INPPL1: variants seen among roughly 807,000 people sequenced by gnomAD.
INPPL1 encodes phosphatidylinositol 3,4,5-trisphosphate 5-phosphatase 2.
INPPL1 carries 91 observed loss-of-function variants against 139.3 expected under a neutral mutation model. That is an observed-to-expected ratio of 0.65 (90% CI 0.55 to 0.78). The LOEUF (loss-of-function observed/expected upper bound fraction) is 0.78. Among genes scored for constraint, INPPL1 ranks in the 30% least tolerant of loss-of-function variants. INPPL1 has a pLI of 0.00. For missense variants in INPPL1, 1,411 were observed against 1,665.6 expected (o/e 0.85, Z 2.66); for synonymous variants, 719 against 686.6 (o/e 1.05, Z -0.74).
chr11:72,228,797 C>G lies in INPPL1; in HGVS notation c.468C>G (p.Pro156=). The G allele has an allele frequency of 6.2e-7, 1 of 1,612,920 alleles. No individual in the cohort carries two copies. Residue 156 remains proline (P), a synonymous_variant, in exon 4 of 28, where the codon CCC becomes CCG. Coordinates refer to ENST00000298229, the MANE Select transcript of INPPL1 (RefSeq NM_001567.4). The surrounding 1 kb of genome is among the most constrained non-coding windows in gnomAD (Gnocchi z 5.0). ...CCAGCATTTCTGCCCCCACTGGGCCCAGCAGTCCCCTGCCAGCTCCTGAGA... is the reference window on the plus strand; with the variant it reads ...CCAGCATTTCTGCCCCCACTGGGCCGAGCAGTCCCCTGCCAGCTCCTGAGA... ...GSTSISAPTG[P]SSPLPAPETP...
rs547108646 is a variant in INPPL1, at chr11:72,230,673, G to T, written c.1198-123G>T. The T allele has an allele frequency of 4.5e-5, 39 of 866,918 alleles. No homozygotes were observed. In the South Asian group the frequency reaches 6.0e-4, roughly 13 times the overall value. The allele number at this position is 866,918 out of a possible 1,614,324, so 53.7% of individuals were successfully genotyped here. The stretch of plus-strand genomic sequence containing the variant: ...AGCACTGTTATATGCTTGAGCAGTG[G>T]GTATGCAGTGGAGAACCAGACAGAC... On this transcript the variant is annotated intron_variant, in intron 10 of 27. Transcript: ENST00000298229.
At chr11:72,232,447 C>A (rs1399829608) in intron 14 of INPPL1, 111 bp downstream of exon 14, 6 of 1,211,236 alleles carry the variant, frequency 5.0e-6, no homozygotes, top group Admixed American at 2.2e-5. Context: ...TCTCCAGAGA[C>A]CCCCTGCTCT....
In INPPL1 at chr11:72,237,601, G is replaced by A; in HGVS notation, c.3357G>A (p.Arg1119=). 6.2e-7 allele frequency: 1 copy of A among 1,603,376 alleles called. No individual in the cohort carries two copies. The highest frequency in any genetic ancestry group is 8.5e-7 in the Non-Finnish European group (1 of 1,173,196). ...GGGAAGTGGCCAGTGGGGATGACCGGTCCTGCTCGGTGCTGCAGATGGCCA... is the reference window on the plus strand; with the variant it reads ...GGGAAGTGGCCAGTGGGGATGACCGATCCTGCTCGGTGCTGCAGATGGCCA... ...FLGEVASGDD[R]SCSVLQMAKT... is the part of the protein sequence containing the mutation. Residue 1119 remains arginine (R), a synonymous_variant, in exon 26 of 28, where the codon CGG becomes CGA. Transcript: ENST00000298229.
Position 72,235,773 on chromosome 11 carries a change from A to G in INPPL1, c.2738+20A>G, listed in dbSNP as rs1460803772. On this transcript the variant is annotated intron_variant, in intron 24 of 27. Transcript: ENST00000298229. This position sits in a 1 kb window ranked among gnomAD's most constrained non-coding sequence, Gnocchi z 4.9. Reference sequence around the variant, plus strand: ...GCCCAGGTGAGCTAGGGCTGTGTTGAATGTCATATGAAAGGGTACCTGGGG... The same window carrying G: ...GCCCAGGTGAGCTAGGGCTGTGTTGGATGTCATATGAAAGGGTACCTGGGG... 3 of 1,613,950 alleles carry G rather than the reference A, an allele frequency of 1.9e-6. No homozygotes were observed. The highest frequency in any genetic ancestry group is 2.5e-6 in the Non-Finnish European group (3 of 1,179,936).
At chr11:72,230,963 C>G (rs774624761) in intron 11 of INPPL1, 30 bp from the exon 12 acceptor site, 1 of 1,611,760 alleles carries the variant, frequency 6.2e-7, no homozygotes, top group East Asian at 2.2e-5. Flanking sequence ...CCTAACCCCT[C>G]CAGACCCACC....
At position 72,237,505 on chromosome 11, in the gene INPPL1, C is replaced by G. The variant is rs1015678768; in HGVS notation, c.3261C>G (p.Gly1087=). The G allele has an allele frequency of 1.9e-6, 3 of 1,608,934 alleles. No homozygotes were observed. The African/African-American group carries it at 4.0e-5, about 21-fold the overall frequency. ...GCCGTGGTGGGGCTGAGGCCCGTGG[C>G]CCACCACCTCCCAAGGCCCATCCAA... ...VRGRGGAEAR[G]PPPPKAHPRP... Residue 1087 remains glycine (G), a synonymous_variant, in exon 26 of 28, where the codon GGC becomes GGG. Coordinates refer to ENST00000298229, the MANE Select transcript of INPPL1 (RefSeq NM_001567.4).
rs1007477970 is a variant in INPPL1, at chr11:72,229,828, T to A, written c.843+76T>A. ...GCCTAGCACTGATCTCAACCCTCAG[T>A]CTACAACTTAACATTGGCCCCAAGG... On this transcript the variant is annotated intron_variant, in intron 7 of 27. Coordinates refer to ENST00000298229, the MANE Select transcript of INPPL1 (RefSeq NM_001567.4). The A allele has an allele frequency of 3.8e-6, 6 of 1,561,264 alleles. No homozygotes were observed. In the African/African-American group the frequency reaches 8.1e-5, roughly 21 times the overall value.
chr11:72,231,346 C>A, intron 12 of INPPL1, 152 bp from the exon 13 acceptor site: 2 of 925,402 alleles, frequency 2.2e-6, no homozygotes, highest in Non-Finnish European at 3.4e-6. Context: ...GTCCTTCATG[C>A]CACGAGAGGA....
chr11:72,235,721 C>T lies in INPPL1; in HGVS notation c.2706C>T (p.Ala902=), dbSNP rs201414459. The stretch of plus-strand genomic sequence containing the variant: ...ATGAGGCAGGAGCAAAGAGCAAAGC[C>T]CCCTCTGTGTCCCGAGGGAGCCAGG... ...DKDEAGAKSK[A]PSVSRGSQEP... is the part of the protein sequence containing the mutation. The change falls in exon 24 of 28, where the codon GCC becomes GCT. Residue 902 remains alanine (A), a synonymous_variant. Coordinates refer to ENST00000298229, the MANE Select transcript of INPPL1 (RefSeq NM_001567.4). This position sits in a 1 kb window ranked among gnomAD's most constrained non-coding sequence, Gnocchi z 4.9. 1 of 1,614,112 alleles carries T rather than the reference C, an allele frequency of 6.2e-7. No individual in the cohort carries two copies. The highest frequency in any genetic ancestry group is 2.2e-5 in the East Asian group (1 of 44,878).
chr11:72,232,937 C>T lies in INPPL1; in HGVS notation c.1914C>T (p.Asn638=). The T allele has an allele frequency of 6.2e-7, 1 of 1,614,160 alleles. No individual in the cohort carries two copies. Among genetic ancestry groups the T allele is most frequent in the Non-Finnish European group, 8.5e-7 (1 of 1,180,026 alleles). ...CCCTCCTCAGGGTGGACCAGCTCAA[C>T]CTGGAGCGGGAGAAGCACAAGGTCT... is the stretch of plus-strand genomic sequence containing the variant. The part of the protein sequence containing the change: ...FEPLLRVDQL[N]LEREKHKVFL... The change falls in exon 16 of 28, where the codon AAC becomes AAT. Residue 638 remains asparagine (N), a synonymous_variant. Coordinates refer to ENST00000298229, the MANE Select transcript of INPPL1 (RefSeq NM_001567.4).
chr11:72,231,743 T>A (rs1349487250), intron 13 of INPPL1, 128 bp downstream of exon 13: 2 of 702,706 alleles, frequency 2.8e-6, no homozygotes, highest in African/African-American at 3.5e-5. Flanking sequence ...TACTTTGAAC[T>A]TTGAAAAACA....
chr11:72,229,950 C>G lies in INPPL1; in HGVS notation c.870C>G (p.Ser290Arg). 6.2e-7 allele frequency: 1 copy of G among 1,614,214 alleles called. No individual in the cohort carries two copies. The highest frequency in any genetic ancestry group is 8.5e-7 in the Non-Finnish European group (1 of 1,180,032). Reference protein sequence around the residue: ...KKALKALQDMSSTAPPAPQPS... With the variant: ...KKALKALQDMRSTAPPAPQPS... ...CCCTGAAGGCCCTACAGGACATGAG[C>G]TCCACAGCACCCCCAGCTCCGCAGC... Residue 290 changes from serine to arginine, a missense_variant, in exon 8 of 28, where the codon AGC becomes AGG. Ser to Arg is a moderately radical substitution (Grantham distance 110). Around this residue, in one of 5 missense-constraint regions of INPPL1, gnomAD observed 504 missense variants for 595.6 expected, o/e 0.85. Coordinates refer to ENST00000298229, the MANE Select transcript of INPPL1 (RefSeq NM_001567.4).
rs1256861914 is a variant in INPPL1 at position 72,233,659 on chromosome 11, C to T, written c.2127C>T (p.Cys709=). The T allele has an allele frequency of 3.1e-6, 5 of 1,613,936 alleles. No individual in the cohort carries two copies. Among genetic ancestry groups the T allele is most frequent in the Non-Finnish European group, 4.2e-6 (5 of 1,179,962 alleles). The part of the protein sequence containing the change: ...ETHIICNSYG[C]TDDIVTSDHS... ...ATTCCTATCCCCTCTCCCCAGGTTG[C>T]ACTGATGACATCGTCACCAGCGACC... Residue 709 remains cysteine (C), a synonymous_variant, in exon 19 of 28, where the codon TGC becomes TGT. Coordinates refer to ENST00000298229, the MANE Select transcript of INPPL1 (RefSeq NM_001567.4).
In INPPL1 at chr11:72,234,732, A is replaced by AGTGTGTGTGTGTGTGTGTGTGTGT; in HGVS notation, c.2415+126_2415+149dup. The AGTGTGTGTGTGTGTGTGTGTGTGT allele has an allele frequency of 2.3e-6, 1 of 430,724 alleles. No homozygotes were observed. Among genetic ancestry groups the AGTGTGTGTGTGTGTGTGTGTGTGT allele is most frequent in the Admixed American group, 3.8e-5 (1 of 26,178 alleles). 26.7% of individuals were successfully genotyped at this position (430,724 alleles called of 1,614,324 possible). The stretch of plus-strand genomic sequence containing the variant: ...GGGGCCAGCAGAGAGAGAGAGAGAG[A>AGTGTGTGTGTGTGTGTGTGTGTGT]GTGTGTGTGTGTGTGTGTGTGTGTG... On this transcript the variant is annotated intron_variant, in intron 21 of 27. Transcript: ENST00000298229. The surrounding 1 kb of genome is among the most constrained non-coding windows in gnomAD (Gnocchi z 4.2).
In INPPL1 at chr11:72,234,971, G is replaced by T; in HGVS notation, c.2416-145G>T. On this transcript the variant is annotated intron_variant, in intron 21 of 27. Transcript: ENST00000298229. This position sits in a 1 kb window ranked among gnomAD's most constrained non-coding sequence, Gnocchi z 4.2. Reference sequence around the variant, plus strand: ...ATAGGGCTGTGTCTTCTGCATTAAGGATTTGGCTCTTCTCTGAAGAGTTGA... The same window carrying T: ...ATAGGGCTGTGTCTTCTGCATTAAGTATTTGGCTCTTCTCTGAAGAGTTGA... The T allele has an allele frequency of 1.5e-6, 1 of 674,888 alleles. No individual in the cohort carries two copies. The allele number at this position is 674,888 out of a possible 1,614,324, so 41.8% of individuals were successfully genotyped here.
Position 72,234,521 on chromosome 11 carries a change from C to T in INPPL1, c.2327-6C>T. On this transcript the variant is annotated splice_region_variant and splice_polypyrimidine_tract_variant and intron_variant, in intron 20 of 27. Coordinates refer to ENST00000298229, the MANE Select transcript of INPPL1 (RefSeq NM_001567.4). This position sits in a 1 kb window ranked among gnomAD's most constrained non-coding sequence, Gnocchi z 4.2. ...CTCAGTTGGGTGTCTCCCACCCCCACCCCAGAATACAAGAAGAGCTTTGAG... is the reference window on the plus strand; with the variant it reads ...CTCAGTTGGGTGTCTCCCACCCCCATCCCAGAATACAAGAAGAGCTTTGAG... The T allele has an allele frequency of 6.2e-7, 1 of 1,607,418 alleles. No individual in the cohort carries two copies.
intron 25 of INPPL1, 61 bp downstream of exon 25, chr11:72,236,047 C>T: frequency 1.1e-6 from 1 of 919,214 alleles, no homozygotes; most frequent in Non-Finnish European, 1.6e-6. Context: ...CATCACTATC[C>T]CCTGCAGGGT....
intron 7 of INPPL1, 25 bp downstream of exon 7, chr11:72,229,777 C>A (rs1217718045): frequency 6.9e-6 from 11 of 1,602,300 alleles, no homozygotes; most frequent in African/African-American, 1.3e-5. Context: ...GACCCTTGAC[C>A]CCCGATTCAC....
intron 13 of INPPL1, 34 bp downstream of exon 13, chr11:72,231,649 G>A: frequency 6.9e-7 from 1 of 1,440,064 alleles, no homozygotes; most frequent in South Asian, 1.1e-5. Flanking sequence ...AAGAGTGGCA[G>A]CGTCTCTCTG....
Sources: gnomAD v4.1 joint callset for allele counts on GRCh38, gnomAD v4.1.1 for gene constraint, gnomAD v4.1.1 regional missense constraint, Gnocchi (gnomAD v3.1) non-coding constraint, MANE v1.5 for transcripts, NCBI Gene and HGNC (gene_info 2026-07-23, HGNC 2026-07-21) for gene names.